CPB2: variants seen among roughly 807,000 people sequenced by gnomAD.
The protein encoded by CPB2 is carboxypeptidase B2.
A neutral mutation model predicts 57.0 loss-of-function variants in CPB2; 54 were observed. That is an observed-to-expected ratio of 0.95 (90% CI 0.76 to 1.19). The LOEUF is 1.19. Among genes scored for constraint, CPB2 ranks in the 50% most tolerant of loss-of-function variants. The probability of loss-of-function intolerance (pLI) is 0.00; values close to 1 mark genes in which losing one functional copy is unlikely to be tolerated. For missense variants in CPB2, 426 were observed against 512.0 expected, an observed-to-expected ratio of 0.83 and a Z score of 1.62; for synonymous variants, 189 against 178.1, an observed-to-expected ratio of 1.06 and a Z score of -0.49.
intron 7 of CPB2, among the ~76,000 whole-genome samples, chr13:46,066,981 A>G (rs2044865697): frequency 6.6e-6 from 1 of 151,536 alleles, no homozygotes. Context: ...TTAGAAATGC[A>G]TACTGAAATA....
intron 8 of CPB2, among the ~76,000 whole-genome samples, chr13:46,062,054 CCCATATGCTTG>C (rs2139353871): frequency 7.0e-6 from 1 of 143,196 alleles, no homozygotes; most frequent in South Asian, 2.2e-4. Context: ...TAGTTAAAAA[CCCATATGCTTG>C]CTGCTTCTGT....
chr13:46,053,931 A>G (rs1010064748), intron 10 of CPB2, 133 bp from the exon 11 acceptor site: 4 of 765,718 alleles, frequency 5.2e-6, no homozygotes, highest in Admixed American at 2.9e-5. Context: ...AATATAAACA[A>G]CTTTACAATG....
In CPB2 at chr13:46,076,218, T is replaced by A. The variant is rs190592914; in HGVS notation, c.487-2241A>T. Among the ~76,000 whole-genome samples the A allele has an allele frequency of 2.2e-3, 334 of 152,316 alleles. 1 individual carries two copies. Among genetic ancestry groups the A allele is most frequent in the African/African-American group, 7.8e-3 (324 of 41,564 alleles). On this transcript the variant is annotated intron_variant, in intron 5 of 10. Transcript: ENST00000181383. ...GGAAAAATCAAATTATCCTTGGTTT[T>A]AGATGACACGATCTTATATTTAGAA...
At chr13:46,075,687 A>T (rs2045011955) in intron 5 of CPB2, among the ~76,000 whole-genome samples, 1 of 152,242 alleles carries the variant, frequency 6.6e-6, no homozygotes, top group Non-Finnish European at 1.5e-5. Context: ...CCAAAGTCTT[A>T]TCTTTGAATG....
rs767860927 is a variant in CPB2, at chr13:46,073,888, C to A, written c.576G>T (p.Leu192Phe). The A allele has an allele frequency of 6.4e-7, 1 of 1,569,180 alleles. No homozygotes were observed. Among genetic ancestry groups the A allele is most frequent in the South Asian group, 1.2e-5 (1 of 86,800 alleles). The change falls in exon 6 of 11, where the codon TTG (leucine) becomes TTT (phenylalanine). Residue 192 changes from leucine (L) to phenylalanine (F), a missense_variant. Leu to Phe is a conservative substitution (Grantham distance 22). Coordinates refer to ENST00000181383, the MANE Select transcript of CPB2 (RefSeq NM_001872.5). ...GAATACTTACATGGCCTATGAACCACAAGCAGAAAGCAGGAGAGATCCATT... is the reference window on the plus strand; with the variant it reads ...GAATACTTACATGGCCTATGAACCAAAAGCAGAAAGCAGGAGAGATCCATT... The part of the protein sequence containing the change: ...AREWISPAFC[L>F]WFIGHITQFY...
rs1258769795 is a variant in CPB2 at position 46,058,330 on chromosome 13, G to A, written c.848C>T (p.Pro283Leu). ...SCSETYCGLY[P>L]ESEPEVKAVA... ...TGCCTTCACTTCTGGTTCTGACTCA[G>A]GATAAAGTCCACAGTAGGTTTCCGA... Residue 283 changes from proline to leucine, a missense_variant, in exon 9 of 11, where the codon CCT becomes CTT. Pro to Leu is a moderately conservative substitution (Grantham distance 98, BLOSUM62 -3). Transcript: ENST00000181383. The A allele has an allele frequency of 6.2e-7, 1 of 1,613,934 alleles. No individual in the cohort carries two copies. Among genetic ancestry groups the A allele is most frequent in the African/African-American group, 1.3e-5 (1 of 74,892 alleles).
Position 46,073,878 on chromosome 13 carries a change from C to G in CPB2, c.586G>C (p.Gly196Arg). The change falls in exon 6 of 11, where the codon GGC (glycine) becomes CGC (arginine). Residue 196 changes from glycine (G) to arginine (R), a missense_variant. Coordinates refer to ENST00000181383, the MANE Select transcript of CPB2 (RefSeq NM_001872.5). ...ISPAFCLWFIGHITQFYGIIG... is the reference protein window; with the variant it reads ...ISPAFCLWFIRHITQFYGIIG... The stretch of plus-strand genomic sequence containing the variant: ...AAGAGAATGTGAATACTTACATGGC[C>G]TATGAACCACAAGCAGAAAGCAGGA... The G allele has an allele frequency of 6.4e-7, 1 of 1,558,434 alleles. No homozygotes were observed. The highest frequency in any genetic ancestry group is 1.2e-5 in the South Asian group (1 of 85,380).
At chr13:46,054,548 G>A (rs919190906) in intron 10 of CPB2, among the ~76,000 whole-genome samples, 1 of 151,986 alleles carries the variant, frequency 6.6e-6, no homozygotes, top group African/African-American at 2.4e-5. Context: ...CGCATTAATT[G>A]AATAATCTGA....
chr13:46,103,991 G>C (rs2045465684), intron 1 of CPB2, among the ~76,000 whole-genome samples: 1 of 152,198 alleles, frequency 6.6e-6, no homozygotes, highest in Non-Finnish European at 1.5e-5. Context: ...AACAAAAGAA[G>C]ATCAATCAAC....
chr13:46,076,980 A>G (rs1566406994), intron 5 of CPB2, among the ~76,000 whole-genome samples: 1 of 152,184 alleles, frequency 6.6e-6, no homozygotes, highest in Non-Finnish European at 1.5e-5. Context: ...AAACTACTAG[A>G]AGAAAACATT....
chr13:46,073,407 T>G (rs1376075249), intron 6 of CPB2: 8 of 827,994 alleles, frequency 9.7e-6, no homozygotes, highest in Non-Finnish European at 1.2e-5. Flanking sequence ...AGGAACAAAA[T>G]TCCCTATTAT....
rs17844196 is a variant in CPB2 at position 46,082,317 on chromosome 13, A to G, written c.384+124T>C. 1,010 of 552,244 alleles carry G rather than the reference A, an allele frequency of 1.8e-3. 10 individuals are homozygous for G. The highest frequency in any genetic ancestry group is 0.016 in the African/African-American group (857 of 53,392). 34.2% of individuals were successfully genotyped at this position (552,244 alleles called of 1,614,324 possible). ...GAATGACCACCATTTAATTAACCTA[A>G]GTGTGTTTGTGTTTTATTTTTTACC... On this transcript the variant is annotated intron_variant, in intron 4 of 10. Coordinates refer to ENST00000181383, the MANE Select transcript of CPB2 (RefSeq NM_001872.5).
chr13:46,072,904 AG>A (rs1217513046), intron 6 of CPB2, among the ~76,000 whole-genome samples: 4 of 152,206 alleles, frequency 2.6e-5, no homozygotes, highest in Non-Finnish European at 5.9e-5. Flanking sequence ...GGATATGTTA[AG>A]GGTCTGATCA....
chr13:46,089,384 C>A (rs1039836347), intron 1 of CPB2, among the ~76,000 whole-genome samples: 1 of 152,062 alleles, frequency 6.6e-6, no homozygotes, highest in Non-Finnish European at 1.5e-5. Flanking sequence ...AATGGGAATG[C>A]GTGGGAGTGT....
At chr13:46,079,811 T>C (rs2045084296) in intron 4 of CPB2, among the ~76,000 whole-genome samples, 5 of 152,196 alleles carry the variant, frequency 3.3e-5, no homozygotes, top group Admixed American at 3.3e-4. Flanking sequence ...GAGCACCATT[T>C]ATCCTTGGGT....
At chr13:46,062,628 A>T (rs963045821) in intron 8 of CPB2, among the ~76,000 whole-genome samples, 1 of 152,102 alleles carries the variant, frequency 6.6e-6, no homozygotes, top group East Asian at 1.9e-4. Flanking sequence ...AGTTCCTACC[A>T]TATCTGTAGC....
At chr13:46,074,142 T>C (rs796534637) in intron 5 of CPB2, among the ~76,000 whole-genome samples, 165 bp from the exon 6 acceptor site, 2 of 152,230 alleles carry the variant, frequency 1.3e-5, no homozygotes, top group Admixed American at 1.3e-4. Context: ...ACACTGGTGA[T>C]ACTAAGTGAC....
intron 4 of CPB2, among the ~76,000 whole-genome samples, chr13:46,081,479 A>T (rs890261844): frequency 6.6e-6 from 1 of 152,008 alleles, no homozygotes; most frequent in African/African-American, 2.4e-5. Context: ...AGGAGAGATT[A>T]AAAAAGGGGG....
chr13:46,079,165 A>G (rs1394024668), intron 4 of CPB2, among the ~76,000 whole-genome samples: 1 of 152,204 alleles, frequency 6.6e-6, no homozygotes, highest in Non-Finnish European at 1.5e-5. Flanking sequence ...TCTATAAACT[A>G]TGGCCCCTGA....
Sources: allele counts gnomAD v4.1 joint callset (sites outside exome capture counted in the v4.1 genomes callset), GRCh38; gene constraint gnomAD v4.1.1; transcripts MANE v1.5; gene names NCBI Gene and HGNC (gene_info 2026-07-23, HGNC 2026-07-21).